Variants in RPS6KC1 observed in about 807,000 individuals in gnomAD.
RPS6KC1 encodes the protein inactive ribosomal protein S6 kinase delta-1.
Under a neutral mutation model 103.8 loss-of-function variants are expected in RPS6KC1, and 54 were observed. That is an observed-to-expected ratio of 0.52 (90% confidence interval 0.42 to 0.65). The LOEUF (loss-of-function observed/expected upper bound fraction) is 0.65, where lower values mean the gene tolerates loss of function less well. Among genes scored for constraint, RPS6KC1 ranks in the 30% least tolerant of loss-of-function variants. RPS6KC1 has a pLI of 0.00. For synonymous variants in RPS6KC1, 439 were observed against 438.7 expected, an observed-to-expected ratio of 1.00 and a Z score of -0.01; for missense variants, 1,151 against 1,253.8, an observed-to-expected ratio of 0.92 and a Z score of 1.24.
chr1:213,648,335 C>T, the RPS6KC1 span, among the ~76,000 whole-genome samples: 1 of 152,192 alleles, frequency 6.6e-6, no homozygotes, highest in East Asian at 1.9e-4. Flanking sequence ...TGTGCATCTC[C>T]CTGTTGCAGA....
chr1:213,843,878 A>T, the RPS6KC1 span, among the ~76,000 whole-genome samples: 5 of 150,572 alleles, frequency 3.3e-5, no homozygotes, highest in South Asian at 1.0e-3. Context: ...TTATTTTTTT[A>T]TGGCTTCTTG....
the RPS6KC1 span, among the ~76,000 whole-genome samples, chr1:213,509,377 G>A: frequency 6.6e-6 from 1 of 151,966 alleles, no homozygotes; most frequent in African/African-American, 2.4e-5. Flanking sequence ...ATCCAGAAAG[G>A]CAAATAAATT....
At chr1:213,538,648 G>T in the RPS6KC1 span, among the ~76,000 whole-genome samples, 1 of 152,164 alleles carries the variant, frequency 6.6e-6, no homozygotes, top group South Asian at 2.1e-4. Context: ...TGGGCAGAGG[G>T]TGCAGGTAGG....
the RPS6KC1 span, among the ~76,000 whole-genome samples, chr1:213,412,650 G>A: frequency 6.6e-6 from 1 of 152,214 alleles, no homozygotes; most frequent in Admixed American, 6.5e-5. Flanking sequence ...TCAATCTGGG[G>A]AGAGCAATGA....
the RPS6KC1 span, among the ~76,000 whole-genome samples, chr1:213,466,236 G>T: frequency 2.0e-5 from 3 of 151,962 alleles, no homozygotes; most frequent in Non-Finnish European, 4.4e-5. Flanking sequence ...AAGTAAAAAA[G>T]ATCTGGCCTT....
At chr1:213,701,320 T>A in the RPS6KC1 span, among the ~76,000 whole-genome samples, 2 of 152,112 alleles carry the variant, frequency 1.3e-5, no homozygotes, top group Non-Finnish European at 2.9e-5. Context: ...TGATGTGGTT[T>A]CTGTCCTTCA....
chr1:213,071,095 T>C, intron 2 of RPS6KC1, 54 bp downstream of exon 2: 1 of 1,121,998 alleles, frequency 8.9e-7, no homozygotes, highest in African/African-American at 1.6e-5. Context: ...TTTAACTAAA[T>C]GCTTTTTTGA....
intron 8 of RPS6KC1, among the ~76,000 whole-genome samples, chr1:213,186,859 C>T (rs1016464475): frequency 2.0e-5 from 3 of 152,138 alleles, no homozygotes; most frequent in Non-Finnish European, 4.4e-5. Context: ...TGAGAGCCTC[C>T]AGGAAGTTCT....
the RPS6KC1 span, among the ~76,000 whole-genome samples, chr1:213,520,065 G>C: frequency 6.6e-6 from 1 of 152,074 alleles, no homozygotes; most frequent in South Asian, 2.1e-4. Context: ...AACCAATGGT[G>C]GTTCTTATTA....
At chr1:213,686,514 C>A in the RPS6KC1 span, among the ~76,000 whole-genome samples, 2 of 152,148 alleles carry the variant, frequency 1.3e-5, no homozygotes, top group South Asian at 2.1e-4. Flanking sequence ...TCTAAACTTG[C>A]CATCATGGTT....
At chr1:213,722,383 C>A in the RPS6KC1 span, among the ~76,000 whole-genome samples, 3 of 152,126 alleles carry the variant, frequency 2.0e-5, no homozygotes, top group Non-Finnish European at 4.4e-5. Context: ...CATTATTGGT[C>A]CTGATACTGT....
At chr1:213,715,343 A>C in the RPS6KC1 span, among the ~76,000 whole-genome samples, 1 of 152,244 alleles carries the variant, frequency 6.6e-6, no homozygotes, top group Non-Finnish European at 1.5e-5. Context: ...ATATCTGCCT[A>C]TCTTCATAGC....
chr1:213,377,043 T>C, the RPS6KC1 span, among the ~76,000 whole-genome samples: 1 of 152,178 alleles, frequency 6.6e-6, no homozygotes, highest in South Asian at 2.1e-4. Flanking sequence ...CACATTCTCC[T>C]CTGGGAAGGT....
intron 8 of RPS6KC1, among the ~76,000 whole-genome samples, chr1:213,195,086 A>G (rs1573176887): frequency 6.6e-6 from 1 of 152,128 alleles, no homozygotes. Flanking sequence ...TGGTGATGCA[A>G]CACTTTTGTT....
chr1:213,142,104 G>A (rs1336769437), intron 6 of RPS6KC1, among the ~76,000 whole-genome samples: 3 of 151,952 alleles, frequency 2.0e-5, no homozygotes, highest in Admixed American at 6.6e-5. Context: ...TTGTTGAATC[G>A]AACCCTTTAT....
the RPS6KC1 span, among the ~76,000 whole-genome samples, chr1:213,497,267 G>C: frequency 6.6e-6 from 1 of 151,918 alleles, no homozygotes; most frequent in Non-Finnish European, 1.5e-5. Context: ...CAGCATCCAT[G>C]CAACCTATAT....
chr1:213,156,550 C>T (rs1193136495), intron 6 of RPS6KC1, among the ~76,000 whole-genome samples: 1 of 152,058 alleles, frequency 6.6e-6, no homozygotes, highest in East Asian at 1.9e-4. Context: ...TCAAATTGCT[C>T]AAAACCAGTG....
chr1:213,334,299 A>G, the RPS6KC1 span, among the ~76,000 whole-genome samples: 1 of 152,202 alleles, frequency 6.6e-6, no homozygotes, highest in African/African-American at 2.4e-5. Context: ...ATTTTGTCAA[A>G]TTTGGGAACA....
intron 8 of RPS6KC1, among the ~76,000 whole-genome samples, chr1:213,224,303 A>T (rs2148810869): frequency 6.6e-6 from 1 of 152,342 alleles, no homozygotes; most frequent in Middle Eastern, 3.4e-3. Context: ...AAAAGTGGGA[A>T]AAGTGAAACT....
Sources: allele counts gnomAD v4.1 joint callset (sites outside exome capture counted in the v4.1 genomes callset), GRCh38; gene constraint gnomAD v4.1.1; transcripts MANE v1.5; gene names NCBI Gene and HGNC (gene_info 2026-07-23, HGNC 2026-07-21).